Variants in CIDEA observed in about 807,000 individuals in gnomAD.
CIDEA encodes the protein lipid transferase CIDEA.
Under a neutral mutation model 18.2 loss-of-function variants are expected in CIDEA, and 10 were observed. The ratio of observed to expected loss-of-function variants is 0.55; its 90% CI spans 0.34 to 0.93. CIDEA has a LOEUF of 0.93. Among genes scored for constraint, CIDEA ranks in the 40% least tolerant of loss-of-function variants. CIDEA has a pLI of 0.02. For synonymous variants in CIDEA, 128 were observed against 124.8 expected (o/e 1.03, Z -0.17); for missense variants, 309 against 293.1 (o/e 1.05, Z -0.40).
chr18:12,255,343 T>A (rs950776708), intron 1 of CIDEA, among the ~76,000 whole-genome samples: 1 of 152,134 alleles, frequency 6.6e-6, no homozygotes, highest in Non-Finnish European at 1.5e-5. Flanking sequence ...AGAGACTACA[T>A]GTGTGAAAGG....
chr18:12,273,811 G>A (rs1912618652), intron 3 of CIDEA, among the ~76,000 whole-genome samples: 1 of 152,190 alleles, frequency 6.6e-6, no homozygotes. Flanking sequence ...TCTATCCACT[G>A]AGCAACGGGG....
At chr18:12,260,502 T>C (rs1010624074) in intron 1 of CIDEA, among the ~76,000 whole-genome samples, 4 of 152,186 alleles carry the variant, frequency 2.6e-5, no homozygotes, top group African/African-American at 9.7e-5. Context: ...CGGTTTTTTA[T>C]ATTACAAACA....
At chr18:12,264,479 C>T (rs766523918) in intron 3 of CIDEA, 26 bp downstream of exon 3, 1 of 1,600,312 alleles carries the variant, frequency 6.2e-7, no homozygotes, top group Admixed American at 1.7e-5. Flanking sequence ...GTCACCCAAA[C>T]AGCTACTGGG....
At chr18:12,270,504 C>A (rs142371112) in intron 3 of CIDEA, among the ~76,000 whole-genome samples, 3 of 152,056 alleles carry the variant, frequency 2.0e-5, no homozygotes, top group Non-Finnish European at 4.4e-5. Flanking sequence ...GCCTGGCCCA[C>A]GGGGTGAAAC....
chr18:12,259,926 C>G (rs1912142693), intron 1 of CIDEA, among the ~76,000 whole-genome samples: 1 of 152,142 alleles, frequency 6.6e-6, no homozygotes. Context: ...ACACTGCTGG[C>G]CATGGTGCTT....
chr18:12,254,689 T>G, intron 1 of CIDEA: 3 of 1,510,868 alleles, frequency 2.0e-6, no homozygotes, highest in Non-Finnish European at 2.7e-6. Flanking sequence ...GTGTGGCTCT[T>G]GCGAGGTGCG....
intron 4 of CIDEA, among the ~76,000 whole-genome samples, chr18:12,274,772 G>A (rs1432535968): frequency 2.0e-5 from 3 of 152,214 alleles, no homozygotes; most frequent in African/African-American, 7.2e-5. Flanking sequence ...ACGAAGGCCA[G>A]GCTGGTTGCA....
At chr18:12,261,670 C>G (rs954803353) in intron 1 of CIDEA, among the ~76,000 whole-genome samples, 2 of 152,032 alleles carry the variant, frequency 1.3e-5, no homozygotes, top group African/African-American at 4.8e-5. Context: ...TTCATCCGGG[C>G]TCAAGCAATC....
In CIDEA at chr18:12,277,447, G is replaced by C. The variant is rs1045134032; in HGVS notation, c.*177G>C. ...TGGTGGTACATGAAGTGGGGGCAGT[G>C]GGCAGGGTGCCCTGGGGGGGAGGCA... On this transcript the variant is annotated 3_prime_UTR_variant, in exon 5 of 5. Transcript: ENST00000320477. 27 of 722,386 alleles carry C rather than the reference G, an allele frequency of 3.7e-5. No individual in the cohort carries two copies. In the Middle Eastern group the frequency reaches 1.6e-3, roughly 42 times the overall value. The allele number at this position is 722,386 out of a possible 1,614,324, so 44.7% of individuals were successfully genotyped here.
At chr18:12,274,560 G>C (rs758082749) in intron 4 of CIDEA, among the ~76,000 whole-genome samples, 11 of 152,192 alleles carry the variant, frequency 7.2e-5, no homozygotes, top group South Asian at 4.1e-4. Flanking sequence ...TTAAGAACTA[G>C]AGCACTTAAT....
At chr18:12,254,969 G>A in intron 1 of CIDEA, 1 of 1,205,684 alleles carries the variant, frequency 8.3e-7, no homozygotes, top group East Asian at 5.7e-5. Context: ...TGGTGGTGCT[G>A]GGAGAAGCGC....
intron 1 of CIDEA, chr18:12,254,932 C>G: frequency 2.4e-6 from 3 of 1,236,310 alleles, no homozygotes; most frequent in Non-Finnish European, 2.1e-6. Flanking sequence ...AGGGGAGGCC[C>G]CAACCGTCCG....
rs149108439 is a variant in CIDEA at position 12,275,993 on chromosome 18, C to CTTTTTTTTTTTTT, written c.513-1128_513-1127insTTTTTTTTTTTTT. Among the ~76,000 whole-genome samples the CTTTTTTTTTTTTT allele has an allele frequency of 1.0e-4, 13 of 129,682 alleles. 3 individuals are homozygous for CTTTTTTTTTTTTT. The highest frequency in any genetic ancestry group is 1.3e-4 in the Non-Finnish European group (8 of 62,070). 85.1% of individuals were successfully genotyped at this position (129,682 alleles called of 152,430 possible). A position where few individuals can be genotyped will look rare whatever the true frequency, so the allele number is the denominator to read the frequency against. On this transcript the variant is annotated intron_variant, in intron 4 of 4. Coordinates refer to ENST00000320477, the MANE Select transcript of CIDEA (RefSeq NM_001279.4). ...GTGAAATCTTTTTTCTTTTTCTTTTCTTATTTTTTTTCTTTTTTGAGACGG... is the reference window on the plus strand; with the variant it reads ...GTGAAATCTTTTTTCTTTTTCTTTTCTTTTTTTTTTTTTTTATTTTTTTTCTTTTTTGAGACGG...
At chr18:12,277,044 A>G in intron 4 of CIDEA, 79 bp from the exon 5 acceptor site, 1 of 1,504,684 alleles carries the variant, frequency 6.6e-7, no homozygotes, top group South Asian at 1.2e-5. Context: ...TGGTGGGGGG[A>G]GTGAAGTATT....
intron 3 of CIDEA, among the ~76,000 whole-genome samples, chr18:12,271,569 G>A (rs2144082924): frequency 6.6e-6 from 1 of 152,314 alleles, no homozygotes; most frequent in South Asian, 2.1e-4. Flanking sequence ...TGGGAAAGGC[G>A]GGTTTGTTTT....
intron 1 of CIDEA, among the ~76,000 whole-genome samples, chr18:12,260,479 C>A (rs1912160662): frequency 6.6e-6 from 1 of 152,164 alleles, no homozygotes; most frequent in Admixed American, 6.5e-5. Flanking sequence ...AGCCATTGCA[C>A]CCAGCCAACT....
intron 4 of CIDEA, among the ~76,000 whole-genome samples, chr18:12,275,505 C>T (rs573256282): frequency 3.3e-5 from 5 of 152,294 alleles, no homozygotes; most frequent in African/African-American, 1.2e-4. Flanking sequence ...GGGAGAGTGG[C>T]TGATTGCAGT....
In CIDEA at chr18:12,258,712, G is replaced by A. The variant is rs555830206; in HGVS notation, c.39-4113G>A. 1.4e-4 allele frequency among the ~76,000 whole-genome samples: 22 copies of A among 152,344 alleles called. No homozygotes were observed. In the East Asian group the frequency reaches 3.1e-3, roughly 21 times the overall value. ...ACCCTGGTCTAGCCTTTGCTGCCCTGACGATTCGCCTCCTGCTTTCCCCAG... is the reference window on the plus strand; with the variant it reads ...ACCCTGGTCTAGCCTTTGCTGCCCTAACGATTCGCCTCCTGCTTTCCCCAG... On this transcript the variant is annotated intron_variant, in intron 1 of 4. Coordinates refer to ENST00000320477, the MANE Select transcript of CIDEA (RefSeq NM_001279.4).
intron 3 of CIDEA, among the ~76,000 whole-genome samples, chr18:12,273,561 G>A (rs1449594715): frequency 1.3e-5 from 2 of 152,168 alleles, no homozygotes; most frequent in South Asian, 2.1e-4. Context: ...CATGGAGTCC[G>A]CTCTCAACCC....
Sources: gnomAD v4.1 joint callset for allele counts (sites outside exome capture counted in the v4.1 genomes callset) on GRCh38, gnomAD v4.1.1 for gene constraint, MANE v1.5 for transcripts, NCBI Gene and HGNC (gene_info 2026-07-23, HGNC 2026-07-21) for gene names.